Variants in DDX11 observed in about 807,000 individuals in gnomAD.
DDX11 encodes ATP-dependent DNA helicase DDX11.
In DDX11, 72 loss-of-function variants were observed where a neutral mutation model predicts 125.2. The observed-to-expected ratio is 0.58, with a 90% confidence interval of 0.48 to 0.70. The LOEUF (loss-of-function observed/expected upper bound fraction) is 0.70, where lower values mean the gene tolerates loss of function less well. Among genes scored for constraint, DDX11 ranks in the 30% least tolerant of loss-of-function variants. The pLI is 0.00. For missense variants in DDX11, 883 were observed against 1,165.0 expected, an observed-to-expected ratio of 0.76 and a Z score of 3.52; for synonymous variants, 347 against 452.6, an observed-to-expected ratio of 0.77 and a Z score of 2.96.
chr12:31,094,651 C>T lies in DDX11; in HGVS notation c.1414+17C>T. 1 of 1,558,908 alleles carries T rather than the reference C, an allele frequency of 6.4e-7. No individual in the cohort carries two copies. The highest frequency in any genetic ancestry group is 8.7e-7 in the Non-Finnish European group (1 of 1,149,824). On this transcript the variant is annotated intron_variant, in intron 13 of 26. Coordinates refer to ENST00000542838, the MANE Select transcript of DDX11 (RefSeq NM_030653.4). ...CACAGACAGGTAAGAGAGTTGCCCT[C>T]AGAGGGCCCAGAGCTGATCTGAGCC...
At chr12:31,075,175 A>G (rs1375325277) in intron 1 of DDX11, among the ~76,000 whole-genome samples, 4 of 151,384 alleles carry the variant, frequency 2.6e-5, no homozygotes, top group African/African-American at 4.9e-5. Context: ...GTCACTGCAA[A>G]TGTTTTTAAT....
Position 31,104,172 on chromosome 12 carries a change from C to T in DDX11, c.*336C>T. The T allele has an allele frequency of 7.1e-7, 1 of 1,401,484 alleles. No individual in the cohort carries two copies. The highest frequency in any genetic ancestry group is 9.4e-7 in the Non-Finnish European group (1 of 1,059,504). The allele number at this position is 1,401,484 out of a possible 1,614,324, so 86.8% of individuals were successfully genotyped here. ...GAGGCTGTGGCAGCTGTGGCATCCA[C>T]TGTGGCATCTCCGTCCTGCCCACCT... is the stretch of plus-strand genomic sequence containing the variant. On this transcript the variant is annotated 3_prime_UTR_variant, in exon 27 of 27. Coordinates refer to ENST00000542838, the MANE Select transcript of DDX11 (RefSeq NM_030653.4).
At chr12:31,100,073 C>T (rs563557619) in intron 18 of DDX11, among the ~76,000 whole-genome samples, 6 of 152,280 alleles carry the variant, frequency 3.9e-5, no homozygotes, top group East Asian at 1.9e-4. Flanking sequence ...CGCATGATTA[C>T]AGGGAAAGGT....
rs781670159 is a variant in DDX11, at chr12:31,097,965, G to A, written c.1843G>A (p.Ala615Thr). ...TGCCCAAGTGGTGAAGGAATGCCGG[G>A]CAGTGGTCATTGCGGGGGGTACCAT... Reference protein sequence around the residue: ...HFAQVVKECRAVVIAGGTMQP... With the variant: ...HFAQVVKECRTVVIAGGTMQP... Residue 615 changes from alanine to threonine, a missense_variant, in exon 18 of 27, where the codon GCA (alanine) becomes ACA (threonine). Ala to Thr is a moderately conservative substitution (Grantham distance 58, BLOSUM62 0). Around this residue, in one of 5 missense-constraint regions of DDX11, gnomAD observed 241 missense variants for 279.7 expected, o/e 0.86. Coordinates refer to ENST00000542838, the MANE Select transcript of DDX11 (RefSeq NM_030653.4). 82 of 1,613,776 alleles carry A rather than the reference G, an allele frequency of 5.1e-5. 2 individuals carry two copies. In the Admixed American group the frequency reaches 1.4e-3, roughly 27 times the overall value.
At chr12:31,075,428 T>C (rs577298536) in intron 1 of DDX11, among the ~76,000 whole-genome samples, 10 of 152,190 alleles carry the variant, frequency 6.6e-5, no homozygotes, top group Non-Finnish European at 1.5e-4. Context: ...CTTGGGGGTC[T>C]GGCAGATGTG....
intron 1 of DDX11, among the ~76,000 whole-genome samples, chr12:31,075,393 T>A (rs1940558451): frequency 2.0e-5 from 3 of 152,216 alleles, no homozygotes; most frequent in African/African-American, 7.2e-5. Flanking sequence ...GGAGGAAAAG[T>A]GAGGAGATAG....
intron 10 of DDX11, among the ~76,000 whole-genome samples, chr12:31,092,320 A>G (rs1205185659): frequency 6.6e-6 from 1 of 152,150 alleles, no homozygotes; most frequent in Admixed American, 6.5e-5. Flanking sequence ...TGACTCTGCC[A>G]TGGGTGTGGT....
In DDX11 at chr12:31,083,808, TG is replaced by T. The variant is rs1281245891; in HGVS notation, c.145-4del. 1 of 1,611,852 alleles carries T rather than the reference TG, an allele frequency of 6.2e-7. No homozygotes were observed. Among genetic ancestry groups the T allele is most frequent in the Non-Finnish European group, 8.5e-7 (1 of 1,179,828 alleles). Reference sequence around the variant, plus strand: ...TGTTTCTAAAGATCATTTTTCTTCCTGCAGGGGAAGTCCTTAAGTCTTATTT... The same window carrying T: ...TGTTTCTAAAGATCATTTTTCTTCCTCAGGGGAAGTCCTTAAGTCTTATTT... On this transcript the variant is annotated splice_polypyrimidine_tract_variant and splice_region_variant and intron_variant, in intron 2 of 26. Coordinates refer to ENST00000542838, the MANE Select transcript of DDX11 (RefSeq NM_030653.4).
intron 1 of DDX11, among the ~76,000 whole-genome samples, chr12:31,074,663 G>T (rs1045757640): frequency 2.0e-5 from 3 of 152,238 alleles, no homozygotes; most frequent in African/African-American, 7.2e-5. Flanking sequence ...GGGAATGCGG[G>T]TATTATGGGC....
intron 21 of DDX11, 105 bp downstream of exon 21, chr12:31,102,087 C>T (rs1946484946): frequency 1.3e-5 from 19 of 1,418,472 alleles, no homozygotes; most frequent in Middle Eastern, 2.4e-4. Context: ...GGCTCCTCAT[C>T]CCCACCGCTC....
intron 5 of DDX11, among the ~76,000 whole-genome samples, chr12:31,086,939 T>A (rs1270884561): frequency 7.5e-6 from 1 of 132,568 alleles, no homozygotes; most frequent in Non-Finnish European, 1.6e-5. Context: ...CCTGTAATAA[T>A]TACTCTTCTG....
chr12:31,076,294 C>A (rs1223544133), intron 1 of DDX11, among the ~76,000 whole-genome samples: 5 of 152,182 alleles, frequency 3.3e-5, no homozygotes, highest in Non-Finnish European at 5.9e-5. Context: ...GTATCCGGCA[C>A]CTGGCTGAGC....
intron 18 of DDX11, among the ~76,000 whole-genome samples, chr12:31,099,137 G>C (rs1442119384): frequency 7.5e-6 from 1 of 134,036 alleles, no homozygotes; most frequent in Non-Finnish European, 1.5e-5. Flanking sequence ...TCCCAGGCTG[G>C]AGCGCAGTGA....
At chr12:31,101,502 G>A (rs1946374512) in intron 20 of DDX11, 3 of 496,282 alleles carry the variant, frequency 6.0e-6, no homozygotes, top group Non-Finnish European at 1.1e-5. Context: ...CCTGGGGTGT[G>A]CAGCCCCTGA....
chr12:31,081,379 T>G (rs1423883207), intron 2 of DDX11, among the ~76,000 whole-genome samples: 2 of 152,214 alleles, frequency 1.3e-5, no homozygotes, highest in African/African-American at 4.8e-5. Context: ...TTCCCCGCCG[T>G]GGATGCACAG....
chr12:31,104,131 T>C lies in DDX11; in HGVS notation c.*295T>C. 6.8e-7 allele frequency: 1 copy of C among 1,481,202 alleles called. No individual in the cohort carries two copies. 91.8% of individuals were successfully genotyped at this position (1,481,202 alleles called of 1,614,324 possible). On this transcript the variant is annotated 3_prime_UTR_variant, in exon 27 of 27. Coordinates refer to ENST00000542838, the MANE Select transcript of DDX11 (RefSeq NM_030653.4). ...CTGCATGGCTGAGAGCCAGGCTTCC[T>C]TCCTGGTCTCCGCAGGAGGCTGTGG...
chr12:31,087,896 T>C (rs1284484074), intron 5 of DDX11, 42 bp from the exon 6 acceptor site: 2 of 1,595,704 alleles, frequency 1.3e-6, no homozygotes, highest in Non-Finnish European at 1.7e-6. Context: ...TTGCTGAGTT[T>C]GCTGAGGGAA....
chr12:31,082,437 G>T (rs4031323), intron 2 of DDX11, among the ~76,000 whole-genome samples: 1 of 151,148 alleles, frequency 6.6e-6, no homozygotes, highest in East Asian at 2.0e-4. Context: ...AGCTGCAGGT[G>T]GGGGAGACAG....
chr12:31,092,091 C>G (rs1301334539), intron 10 of DDX11, among the ~76,000 whole-genome samples: 2 of 152,262 alleles, frequency 1.3e-5, no homozygotes, highest in African/African-American at 4.8e-5. Context: ...CTCATCTGCC[C>G]CCATGCTCCT....
Sources: allele counts gnomAD v4.1 joint callset (sites outside exome capture counted in the v4.1 genomes callset), GRCh38; gene constraint gnomAD v4.1.1; regional missense constraint gnomAD v4.1.1; transcripts MANE v1.5; gene names NCBI Gene and HGNC (gene_info 2026-07-23, HGNC 2026-07-21).